The following ATP9B variants were observed in gnomAD, a reference collection of about 807,000 sequenced individuals.
ATP9B encodes probable phospholipid-transporting ATPase IIB.
Under a neutral mutation model 146.1 loss-of-function variants are expected in ATP9B, and 110 were observed. The ratio of observed to expected loss-of-function variants is 0.75; its 90% confidence interval spans 0.65 to 0.88. The LOEUF is 0.88. Among genes scored for constraint, ATP9B ranks in the 40% least tolerant of loss-of-function variants. ATP9B has a pLI of 0.00. For synonymous variants in ATP9B, 604 were observed against 569.7 expected (o/e 1.06, Z -0.86); for missense variants, 1,499 against 1,496.4 (o/e 1.00, Z -0.03).
chr18:79,279,900 G>C (rs115282018), intron 13 of ATP9B, among the ~76,000 whole-genome samples: 1 of 152,114 alleles, frequency 6.6e-6, no homozygotes, highest in African/African-American at 2.4e-5. Context: ...CGCATCACTT[G>C]GTAAAACACA....
intron 15 of ATP9B, among the ~76,000 whole-genome samples, chr18:79,327,498 AGTGT>A (rs2096755800): frequency 6.8e-6 from 1 of 146,334 alleles, no homozygotes. Flanking sequence ...CTCCGTGGTT[AGTGT>A]GCTCTCTCCA....
intron 8 of ATP9B, among the ~76,000 whole-genome samples, chr18:79,184,539 T>A (rs1166893805): frequency 6.6e-6 from 1 of 152,152 alleles, no homozygotes; most frequent in Middle Eastern, 3.2e-3. Flanking sequence ...TGTTCTATTA[T>A]CTTATTACTT....
At position 79,096,501 on chromosome 18, in the gene ATP9B, C is replaced by T; in HGVS notation, c.145C>T (p.His49Tyr). ...SRYQLEDESA[H>Y]LDEMPLMMSE... ...GTACCAGCTGGAGGATGAGTCTGCG[C>T]ATTTGGATGAAATGCCACTAATGAT... is the stretch of plus-strand genomic sequence containing the variant. Residue 49 changes from histidine (H) to tyrosine (Y), a missense_variant, in exon 2 of 30, where the codon CAT becomes TAT. His to Tyr is a moderately conservative substitution (Grantham distance 83). Transcript: ENST00000426216. The T allele has an allele frequency of 1.2e-6, 2 of 1,613,986 alleles. No homozygotes were observed. The highest frequency in any genetic ancestry group is 1.7e-6 in the Non-Finnish European group (2 of 1,179,974).
At chr18:79,075,890 C>A (rs2072552773) in intron 1 of ATP9B, among the ~76,000 whole-genome samples, 2 of 151,912 alleles carry the variant, frequency 1.3e-5, no homozygotes, top group Admixed American at 1.3e-4. Context: ...TTTTAGAATT[C>A]CAGTTTGATT....
chr18:79,342,711 T>C (rs2096866137), intron 20 of ATP9B, among the ~76,000 whole-genome samples: 1 of 152,128 alleles, frequency 6.6e-6, no homozygotes, highest in Non-Finnish European at 1.5e-5. Context: ...AGTTCAGAAG[T>C]ATTTTTTGCT....
intron 11 of ATP9B, among the ~76,000 whole-genome samples, chr18:79,222,881 A>G (rs561661200): frequency 6.6e-6 from 1 of 152,370 alleles, no homozygotes; most frequent in South Asian, 2.1e-4. Flanking sequence ...ATTTAATGAT[A>G]TGAGACTTGA....
intron 15 of ATP9B, among the ~76,000 whole-genome samples, chr18:79,308,676 G>A (rs1438472474): frequency 8.6e-6 from 1 of 115,652 alleles, no homozygotes; most frequent in African/African-American, 3.1e-5. Flanking sequence ...GTCAGGGGTG[G>A]TGGAGTGATC....
At chr18:79,285,344 T>A (rs1165427177) in intron 13 of ATP9B, among the ~76,000 whole-genome samples, 1 of 152,182 alleles carries the variant, frequency 6.6e-6, no homozygotes, top group Admixed American at 6.5e-5. Context: ...CTCATTGTGG[T>A]TTTGATTTGC....
At chr18:79,337,550 A>G in intron 19 of ATP9B, 101 bp downstream of exon 19, 1 of 1,461,704 alleles carries the variant, frequency 6.8e-7, no homozygotes, top group South Asian at 1.4e-5. Context: ...GGGGTCATGG[A>G]TGTGAGAGAG....
chr18:79,328,146 G>A (rs1012179500), intron 15 of ATP9B, among the ~76,000 whole-genome samples: 2 of 151,888 alleles, frequency 1.3e-5, no homozygotes, highest in Non-Finnish European at 2.9e-5. Flanking sequence ...TGCTCTCTGT[G>A]GTTAGCGTGC....
intron 13 of ATP9B, among the ~76,000 whole-genome samples, chr18:79,301,141 C>T (rs758652845): frequency 1.3e-5 from 2 of 152,190 alleles, no homozygotes; most frequent in Non-Finnish European, 2.9e-5. Flanking sequence ...GTTTCATTAT[C>T]TTTTAACTGT....
At chr18:79,265,585 A>G (rs907109907) in intron 12 of ATP9B, among the ~76,000 whole-genome samples, 2 of 151,744 alleles carry the variant, frequency 1.3e-5, no homozygotes, top group Admixed American at 1.3e-4. Context: ...TAGGTGCTGG[A>G]TATTAAACCT....
intron 2 of ATP9B, among the ~76,000 whole-genome samples, chr18:79,109,666 A>G (rs1365348815): frequency 2.0e-5 from 3 of 151,542 alleles, no homozygotes; most frequent in African/African-American, 7.3e-5. Flanking sequence ...CCCGGGTTCA[A>G]GCTATTCTCC....
intron 6 of ATP9B, among the ~76,000 whole-genome samples, chr18:79,144,509 G>A (rs974194772): frequency 6.6e-6 from 1 of 152,092 alleles, no homozygotes; most frequent in African/African-American, 2.4e-5. Context: ...TTCACAATAG[G>A]GCTCTTGCTC....
chr18:79,174,246 G>T, intron 7 of ATP9B: 1 of 370,218 alleles, frequency 2.7e-6, no homozygotes, highest in South Asian at 2.1e-5. Flanking sequence ...AAGCTATAGT[G>T]TAATGGACTG....
At chr18:79,249,080 A>T (rs755044760) in intron 11 of ATP9B, among the ~76,000 whole-genome samples, 31 of 116,506 alleles carry the variant, frequency 2.7e-4, no homozygotes, top group Non-Finnish European at 8.8e-5. Flanking sequence ...GCATTCATTT[A>T]AAAAAAAAAA....
chr18:79,258,560 T>G (rs2096108131), intron 12 of ATP9B, among the ~76,000 whole-genome samples: 1 of 152,268 alleles, frequency 6.6e-6, no homozygotes, highest in African/African-American at 2.4e-5. Flanking sequence ...CATATTTATA[T>G]CTACATACAA....
rs5826625 is a variant in ATP9B at position 79,188,889 on chromosome 18, A to AT, written c.874-4280dup. ...CTATTTTATCTCTTGGCTTTTTAGC[A>AT]TTTTTTTTTTTTTTAGTTTGCAGTA... On this transcript the variant is annotated intron_variant, in intron 8 of 29. Transcript: ENST00000426216. Among the ~76,000 whole-genome samples the AT allele has an allele frequency of 3.7e-3, 533 of 144,072 alleles. 2 individuals carry two copies. Among genetic ancestry groups the AT allele is most frequent in the Non-Finnish European group, 5.5e-3 (363 of 65,530 alleles). The allele number at this position is 144,072 out of a possible 152,430, so 94.5% of individuals were successfully genotyped here. A position where few individuals can be genotyped will look rare whatever the true frequency, so the allele number is the denominator to read the frequency against.
chr18:79,287,259 T>C (rs948076860), intron 13 of ATP9B, among the ~76,000 whole-genome samples: 3 of 152,250 alleles, frequency 2.0e-5, no homozygotes, highest in Non-Finnish European at 4.4e-5. Context: ...GGACTCTTTT[T>C]GGTTGGTAAG....
Sources: gnomAD v4.1 joint callset for allele counts (sites outside exome capture counted in the v4.1 genomes callset) on GRCh38, gnomAD v4.1.1 for gene constraint, MANE v1.5 for transcripts, NCBI Gene and HGNC (gene_info 2026-07-23, HGNC 2026-07-21) for gene names.